LYPLAL1: variants seen among roughly 807,000 people sequenced by gnomAD.
LYPLAL1 encodes lysophospholipase-like protein 1.
In LYPLAL1, 23 loss-of-function variants were observed where a neutral mutation model predicts 19.7. The observed-to-expected ratio is 1.17, with a 90% CI of 0.84 to 1.65. The LOEUF is 1.65. Among genes scored for constraint, LYPLAL1 ranks in the 40% most tolerant of loss-of-function variants. The pLI is 0.00. For synonymous variants in LYPLAL1, 119 were observed against 96.3 expected (o/e 1.24, Z -1.38); for missense variants, 355 against 279.4 (o/e 1.27, Z -1.93).
the LYPLAL1 span, among the ~76,000 whole-genome samples, chr1:219,337,119 C>T: frequency 6.7e-6 from 1 of 149,794 alleles, no homozygotes; most frequent in African/African-American, 2.4e-5. Flanking sequence ...GAATATCCTG[C>T]CTCTCTTTTC....
At chr1:219,174,922 A>G in intron 1 of LYPLAL1, 1 of 985,464 alleles carries the variant, frequency 1.0e-6, no homozygotes, top group Non-Finnish European at 1.2e-6. Context: ...TGCCAAGTGA[A>G]TTGTAAGAGA....
At chr1:219,191,157 C>T (rs1419055559) in intron 2 of LYPLAL1, among the ~76,000 whole-genome samples, 5 of 151,590 alleles carry the variant, frequency 3.3e-5, no homozygotes, top group Admixed American at 6.6e-5. Context: ...TCCTACCTTT[C>T]CTGTAGAAAG....
At position 219,210,328 on chromosome 1, in the gene LYPLAL1, C is replaced by G. The variant is rs543114515; in HGVS notation, c.362-204C>G. On this transcript the variant is annotated intron_variant, in intron 3 of 4. Transcript: ENST00000366928. ...TCCTGGCTCCTTGTAGAGCACAGCTCTCTTTACCAGTGGTGACATAGAGGG... is the reference window on the plus strand; with the variant it reads ...TCCTGGCTCCTTGTAGAGCACAGCTGTCTTTACCAGTGGTGACATAGAGGG... The G allele has an allele frequency of 1.3e-4, 45 of 342,836 alleles. 2 individuals carry two copies. The South Asian group carries it at 2.5e-3, about 19-fold the overall frequency. The allele number at this position is 342,836 out of a possible 1,614,324, so 21.2% of individuals were successfully genotyped here.
chr1:219,352,948 T>G, the LYPLAL1 span, among the ~76,000 whole-genome samples: 1 of 152,262 alleles, frequency 6.6e-6, no homozygotes, highest in South Asian at 2.1e-4. Context: ...TTTTCTATAG[T>G]GTCAAAACTA....
chr1:219,215,370 A>G (rs573122112), downstream of LYPLAL1, among the ~76,000 whole-genome samples: 1 of 151,830 alleles, frequency 6.6e-6, no homozygotes, highest in East Asian at 1.9e-4. Context: ...GTGTCTTTTT[A>G]TTCTTGCTGG....
intron 3 of LYPLAL1, among the ~76,000 whole-genome samples, chr1:219,205,347 G>C (rs1658476125): frequency 7.6e-6 from 1 of 131,984 alleles, no homozygotes; most frequent in Non-Finnish European, 1.6e-5. Context: ...CTGGGCGACA[G>C]AGCGAGACTC....
chr1:219,263,082 C>T, the LYPLAL1 span, among the ~76,000 whole-genome samples: 3 of 152,064 alleles, frequency 2.0e-5, no homozygotes, highest in African/African-American at 7.2e-5. Context: ...CCATAAAGCT[C>T]CCAAGAATTT....
the LYPLAL1 span, among the ~76,000 whole-genome samples, chr1:219,241,134 C>CTCTCTCTATATATATATATATATATA: frequency 1.4e-4 from 6 of 44,364 alleles, no homozygotes; most frequent in Admixed American, 3.5e-4. Flanking sequence ...CTCTCTCTCT[C>CTCTCTCTATATATATATATATATATA]TATATATATA....
intron 2 of LYPLAL1, 75 bp from the exon 3 acceptor site, chr1:219,193,002 ATTATT>A: frequency 7.4e-7 from 1 of 1,347,786 alleles, no homozygotes. Context: ...TCAAAACACT[ATTATT>A]TTGGTAATTA....
chr1:219,252,618 A>G, the LYPLAL1 span, among the ~76,000 whole-genome samples: 1 of 152,044 alleles, frequency 6.6e-6, no homozygotes, highest in South Asian at 2.1e-4. Context: ...TCAACCTTCC[A>G]TCTCAGGGAT....
At chr1:219,367,982 G>T in the LYPLAL1 span, among the ~76,000 whole-genome samples, 50 of 137,496 alleles carry the variant, frequency 3.6e-4, no homozygotes, top group African/African-American at 1.3e-3. Context: ...ATGTGGATTT[G>T]CTCTCTCCAA....
chr1:219,376,235 A>G, the LYPLAL1 span, among the ~76,000 whole-genome samples: 1 of 135,472 alleles, frequency 7.4e-6, no homozygotes, highest in African/African-American at 2.8e-5. Flanking sequence ...ATGGGGAAAA[A>G]AATGGCAGTT....
chr1:219,232,675 C>T, the LYPLAL1 span, among the ~76,000 whole-genome samples: 14 of 152,076 alleles, frequency 9.2e-5, no homozygotes, highest in Non-Finnish European at 1.8e-4. Flanking sequence ...AGATCTCCTA[C>T]AACTCAACTG....
At chr1:219,353,883 T>G in the LYPLAL1 span, among the ~76,000 whole-genome samples, 1 of 151,980 alleles carries the variant, frequency 6.6e-6, no homozygotes. Context: ...TATAAATGTT[T>G]AAGAGCTAAA....
At chr1:219,327,335 C>A in the LYPLAL1 span, among the ~76,000 whole-genome samples, 1 of 152,212 alleles carries the variant, frequency 6.6e-6, no homozygotes, top group Non-Finnish European at 1.5e-5. Flanking sequence ...ATTCTACTGG[C>A]CCAAGCAGTC....
chr1:219,365,199 C>A, the LYPLAL1 span, among the ~76,000 whole-genome samples: 2 of 151,978 alleles, frequency 1.3e-5, no homozygotes, highest in Non-Finnish European at 2.9e-5. Flanking sequence ...GGAGGTGATT[C>A]TAGAATCTTT....
chr1:219,225,370 ACT>A, the LYPLAL1 span: 4 of 152,272 alleles, frequency 2.6e-5, no homozygotes, highest in African/African-American at 9.6e-5. Flanking sequence ...AAGTTGAGTT[ACT>A]GTTTTTGTGG....
At chr1:219,199,166 G>A (rs966635790) in intron 3 of LYPLAL1, among the ~76,000 whole-genome samples, 2 of 152,128 alleles carry the variant, frequency 1.3e-5, no homozygotes, top group African/African-American at 2.4e-5. Context: ...ATGTATGTGA[G>A]TCCCTCAGTT....
At chr1:219,386,094 T>C in the LYPLAL1 span, among the ~76,000 whole-genome samples, 2 of 152,178 alleles carry the variant, frequency 1.3e-5, no homozygotes, top group African/African-American at 4.8e-5. Context: ...ACATTACCAC[T>C]GGGCAACAGA....
Sources: allele counts gnomAD v4.1 joint callset (sites outside exome capture counted in the v4.1 genomes callset), GRCh38; gene constraint gnomAD v4.1.1; transcripts MANE v1.5; gene names NCBI Gene and HGNC (gene_info 2026-07-23, HGNC 2026-07-21).